Variants in EYS observed in about 807,000 individuals in gnomAD.
The protein encoded by EYS is protein eyes shut homolog.
In EYS, 250 loss-of-function variants were observed where a neutral mutation model predicts 282.1. The ratio of observed to expected loss-of-function variants is 0.89; its 90% CI spans 0.80 to 0.98. The LOEUF is 0.98. Among genes scored for constraint, EYS ranks in the 50% least tolerant of loss-of-function variants. The probability of loss-of-function intolerance (pLI) is 0.00; values close to 1 mark genes in which losing one functional copy is unlikely to be tolerated. For synonymous variants in EYS, 1,355 were observed against 1,282.9 expected (o/e 1.06, Z -1.20); for missense variants, 4,016 against 3,709.0 (o/e 1.08, Z -2.15).
chr6:64,792,071 T>A (rs182538443), intron 22 of EYS, among the ~76,000 whole-genome samples: 11 of 152,012 alleles, frequency 7.2e-5, no homozygotes, highest in Admixed American at 6.6e-4. Flanking sequence ...GTACTGCATT[T>A]TTTTCCTTAT....
intron 2 of EYS, among the ~76,000 whole-genome samples, chr6:65,550,141 A>AT (rs1562254216): frequency 2.8e-4 from 2 of 7,206 alleles, no homozygotes; most frequent in Non-Finnish European, 4.0e-4. Context: ...ACTCTACTAT[A>AT]TCTTTTTTTT....
intron 22 of EYS, among the ~76,000 whole-genome samples, chr6:64,790,532 T>C (rs1774157953): frequency 6.6e-6 from 1 of 151,956 alleles, no homozygotes; most frequent in Non-Finnish European, 1.5e-5. Context: ...TTCAAATAAG[T>C]GACTGAAAAG....
intron 19 of EYS, among the ~76,000 whole-genome samples, chr6:64,839,973 G>A (rs534219935): frequency 6.6e-6 from 1 of 152,098 alleles, no homozygotes; most frequent in African/African-American, 2.4e-5. Context: ...GGGACATTCA[G>A]ACTATAGCAT....
chr6:65,089,263 G>C (rs1013720539), intron 12 of EYS, among the ~76,000 whole-genome samples: 1 of 152,120 alleles, frequency 6.6e-6, no homozygotes, highest in African/African-American at 2.4e-5. Context: ...ACTTGAAAAA[G>C]CTGCAAACAC....
At chr6:65,054,595 A>G (rs929533771) in intron 13 of EYS, among the ~76,000 whole-genome samples, 2 of 152,078 alleles carry the variant, frequency 1.3e-5, no homozygotes, top group Non-Finnish European at 2.9e-5. Flanking sequence ...TGAAAGATGT[A>G]TAAGAATATA....
intron 12 of EYS, among the ~76,000 whole-genome samples, chr6:65,092,476 C>CA (rs1193526849): frequency 6.6e-6 from 1 of 152,104 alleles, no homozygotes; most frequent in Non-Finnish European, 1.5e-5. Flanking sequence ...ATTGCAAATG[C>CA]AAAAAGTCAT....
intron 7 of EYS, among the ~76,000 whole-genome samples, chr6:65,395,995 A>G (rs1010909553): frequency 6.6e-6 from 1 of 152,166 alleles, no homozygotes; most frequent in East Asian, 1.9e-4. Context: ...AATGCCCTCA[A>G]CATTCATCCA....
In EYS at chr6:64,141,181, TC is replaced by T. The variant is rs770479854; in HGVS notation, c.6425-59180del. ...GATCCTTGGTAGCACAATACTTTAT[TC>T]CTTGGCTTGTGAGATACCTAGAGAT... is the stretch of plus-strand genomic sequence containing the variant. On this transcript the variant is annotated intron_variant, in intron 31 of 42. Coordinates refer to ENST00000503581, the MANE Select transcript of EYS (RefSeq NM_001142800.2). Among the ~76,000 whole-genome samples, 252 of 152,348 alleles carry T rather than the reference TC, an allele frequency of 1.7e-3. 1 individual carries two copies. Among genetic ancestry groups the T allele is most frequent in the Non-Finnish European group, 3.1e-3 (210 of 68,040 alleles).
chr6:64,768,564 C>T (rs567670479), intron 22 of EYS, among the ~76,000 whole-genome samples: 17 of 152,210 alleles, frequency 1.1e-4, no homozygotes, highest in African/African-American at 3.9e-4. Flanking sequence ...AAGGATGAAC[C>T]ATTTCCCTTA....
chr6:65,183,708 A>G (rs544584971), intron 12 of EYS, among the ~76,000 whole-genome samples: 3 of 151,832 alleles, frequency 2.0e-5, no homozygotes, highest in Non-Finnish European at 4.4e-5. Flanking sequence ...TTAGTATTTT[A>G]TATTTTCTAT....
intron 12 of EYS, among the ~76,000 whole-genome samples, chr6:65,219,603 T>C (rs1766408161): frequency 6.6e-6 from 1 of 152,186 alleles, no homozygotes; most frequent in Admixed American, 6.6e-5. Flanking sequence ...GACAAATCTT[T>C]GTTTACATCT....
intron 42 of EYS, among the ~76,000 whole-genome samples, chr6:63,724,053 C>T (rs1768519608): frequency 2.0e-5 from 3 of 152,078 alleles, no homozygotes; most frequent in South Asian, 2.1e-4. Flanking sequence ...GTGATCCGCC[C>T]ACCTCGGCCT....
chr6:65,346,681 A>C (rs895029136), intron 9 of EYS, among the ~76,000 whole-genome samples: 1 of 151,732 alleles, frequency 6.6e-6, no homozygotes, highest in Non-Finnish European at 1.5e-5. Flanking sequence ...TTTTTAGGGG[A>C]AAAAATACAG....
At chr6:64,640,929 CT>C (rs1423082793) in intron 22 of EYS, among the ~76,000 whole-genome samples, 3 of 152,128 alleles carry the variant, frequency 2.0e-5, no homozygotes, top group Non-Finnish European at 4.4e-5. Flanking sequence ...AGGCTTAGGA[CT>C]TCTGGATCCT....
chr6:65,080,411 T>C (rs935628919), intron 12 of EYS, among the ~76,000 whole-genome samples: 8 of 152,160 alleles, frequency 5.3e-5, no homozygotes, highest in Admixed American at 1.3e-4. Context: ...TCCATCAATT[T>C]TGGTTTCCTA....
rs1770113149 is a variant in EYS at position 63,778,139 on chromosome 6, G to A, written c.7765C>T (p.His2589Tyr). 3 of 1,551,840 alleles carry A rather than the reference G, an allele frequency of 1.9e-6. No homozygotes were observed. The East Asian group carries it at 7.3e-5, about 38-fold the overall frequency. ...TLQVRTEKDG[H>Y]FRGLGNPEGH... is the part of the protein sequence containing the mutation. The stretch of plus-strand genomic sequence containing the variant: ...TCAGGATTTCCCAGTCCTCTGAAAT[G>A]GCCATCCTTCTCAGTGCGAACTTGA... Residue 2589 changes from histidine (H) to tyrosine (Y), a missense_variant, in exon 40 of 43, where the codon CAT (histidine) becomes TAT (tyrosine). Coordinates refer to ENST00000503581, the MANE Select transcript of EYS (RefSeq NM_001142800.2).
At chr6:64,732,871 T>C (rs573533539) in intron 22 of EYS, among the ~76,000 whole-genome samples, 2 of 152,336 alleles carry the variant, frequency 1.3e-5, no homozygotes, top group South Asian at 4.1e-4. Flanking sequence ...GAAATTCTGA[T>C]GTATAACGTG....
At chr6:63,835,253 G>C (rs1771771853) in intron 36 of EYS, among the ~76,000 whole-genome samples, 1 of 146,680 alleles carries the variant, frequency 6.8e-6, no homozygotes, top group Admixed American at 6.8e-5. Context: ...GTATGTGTCT[G>C]TGTGTGTATA....
chr6:64,257,720 C>T (rs567031103), intron 30 of EYS, among the ~76,000 whole-genome samples: 1 of 151,948 alleles, frequency 6.6e-6, no homozygotes, highest in South Asian at 2.1e-4. Context: ...CCTGGTCTAA[C>T]AAGTATCCAG....
Sources: allele counts gnomAD v4.1 joint callset (sites outside exome capture counted in the v4.1 genomes callset), GRCh38; gene constraint gnomAD v4.1.1; transcripts MANE v1.5; gene names NCBI Gene and HGNC (gene_info 2026-07-23, HGNC 2026-07-21).